PDZD2: variants seen among roughly 807,000 people sequenced by gnomAD.
PDZD2 encodes PDZ domain containing 2.
In PDZD2, 90 loss-of-function variants were observed where a neutral mutation model predicts 220.7. That is an observed-to-expected ratio of 0.41 (90% CI 0.34 to 0.49). The LOEUF (loss-of-function observed/expected upper bound fraction) is 0.49, where lower values mean the gene tolerates loss of function less well. Ranked by LOEUF, PDZD2 falls within the 20% of genes least tolerant of loss-of-function variation. The probability of loss-of-function intolerance (pLI) is 0.28; values close to 1 mark genes in which losing one functional copy is unlikely to be tolerated. For synonymous variants in PDZD2, 1,375 were observed against 1,450.5 expected, an observed-to-expected ratio of 0.95 and a Z score of 1.18; for missense variants, 3,174 against 3,608.5, an observed-to-expected ratio of 0.88 and a Z score of 3.08.
At chr5:31,655,254 C>T (rs916013135) in intron 1 of PDZD2, among the ~76,000 whole-genome samples, 81 of 152,296 alleles carry the variant, frequency 5.3e-4, no homozygotes, top group African/African-American at 1.9e-3. Context: ...CTCACTGCAA[C>T]CTCTGCCTCC....
In PDZD2 at chr5:32,000,046, C is replaced by A. The variant is rs985157162; in HGVS notation, c.1122-93C>A. ...CCTCTTTAGCCCAATCTTAACCGTC[C>A]CTCCTCACAACCCTCCCTAGCTCCA... On this transcript the variant is annotated intron_variant, in intron 4 of 24. Transcript: ENST00000438447. The surrounding 1 kb of genome is among the most constrained non-coding windows in gnomAD (Gnocchi z 4.5). The A allele has an allele frequency of 4.5e-6, 5 of 1,100,456 alleles. No individual in the cohort carries two copies. The African/African-American group carries it at 7.8e-5, about 17-fold the overall frequency. The allele number at this position is 1,100,456 out of a possible 1,614,324, so 68.2% of individuals were successfully genotyped here. A position where few individuals can be genotyped will look rare whatever the true frequency, so the allele number is the denominator to read the frequency against.
At chr5:31,859,468 A>G (rs967315908) in intron 2 of PDZD2, among the ~76,000 whole-genome samples, 2 of 152,130 alleles carry the variant, frequency 1.3e-5, no homozygotes, top group Non-Finnish European at 2.9e-5. Context: ...GTCTGTCATC[A>G]TATTTGTAAT....
intron 1 of PDZD2, among the ~76,000 whole-genome samples, chr5:31,654,517 T>A (rs1269453326): frequency 2.6e-5 from 4 of 152,134 alleles, no homozygotes; most frequent in Non-Finnish European, 5.9e-5. Context: ...ACCGATCTTA[T>A]CTCCATCCTG....
At chr5:32,042,833 C>A (rs147680327) in intron 7 of PDZD2, among the ~76,000 whole-genome samples, 3 of 152,142 alleles carry the variant, frequency 2.0e-5, no homozygotes, top group Admixed American at 2.0e-4. Context: ...ACAGAGGAGG[C>A]CTTCCTGTTG....
In PDZD2 at chr5:32,025,300, C is replaced by T. The variant is rs536071360; in HGVS notation, c.1408-11931C>T. ...CAGCACTTTGGGAGGCTGAGGAGGGCGGATCACCTGAGGTCAGGAGTTCAA... is the reference window on the plus strand; with the variant it reads ...CAGCACTTTGGGAGGCTGAGGAGGGTGGATCACCTGAGGTCAGGAGTTCAA... On this transcript the variant is annotated intron_variant, in intron 6 of 24. Transcript: ENST00000438447. Among the ~76,000 whole-genome samples the T allele has an allele frequency of 1.3e-3, 205 of 151,978 alleles. 1 individual carries two copies. Among genetic ancestry groups the T allele is most frequent in the African/African-American group, 4.8e-3 (201 of 41,486 alleles).
At chr5:32,034,733 G>A (rs1707393305) in intron 6 of PDZD2, among the ~76,000 whole-genome samples, 1 of 152,100 alleles carries the variant, frequency 6.6e-6, no homozygotes, top group African/African-American at 2.4e-5. Context: ...CTGGAGACAG[G>A]TTCTTTGCAT....
At chr5:32,101,773 TTGGTA>T (rs1189205958) in intron 24 of PDZD2, among the ~76,000 whole-genome samples, 1 of 152,268 alleles carries the variant, frequency 6.6e-6, no homozygotes, top group Non-Finnish European at 1.5e-5. Context: ...ATTGAAATGC[TTGGTA>T]AATATCCATC....
At chr5:31,896,196 C>A (rs550109389) in intron 2 of PDZD2, among the ~76,000 whole-genome samples, 1 of 152,178 alleles carries the variant, frequency 6.6e-6, no homozygotes, top group East Asian at 1.9e-4. Context: ...CTACTCTAGG[C>A]ATGTAACTGT....
At chr5:31,743,334 C>G (rs1016480086) in intron 1 of PDZD2, among the ~76,000 whole-genome samples, 3 of 152,054 alleles carry the variant, frequency 2.0e-5, no homozygotes, top group Non-Finnish European at 4.4e-5. Flanking sequence ...GCCACCATGC[C>G]CGGCCAATCT....
intron 1 of PDZD2, among the ~76,000 whole-genome samples, chr5:31,689,353 ATTTTTTTTTT>A (rs1160111594): frequency 2.8e-5 from 1 of 35,142 alleles, no homozygotes. Context: ...ATATATATAT[ATTTTTTTTTT>A]TTTTTTTTTT....
rs775958096 is a variant in PDZD2, at chr5:32,088,714, A to G, written c.5266A>G (p.Ser1756Gly). 1.3e-5 allele frequency: 21 copies of G among 1,614,160 alleles called. No individual in the cohort carries two copies. In the Middle Eastern group the frequency reaches 5.0e-4, roughly 38 times the overall value. ...CGAAACAAGCATTAATGCAGCTGCC[A>G]GTCTGTCCTCCTTCAGTGTGGATGT... is the stretch of plus-strand genomic sequence containing the variant. Reference protein sequence around the residue: ...QYETSINAAASLSSFSVDVPK... With the variant: ...QYETSINAAAGLSSFSVDVPK... The change falls in exon 20 of 25, where the codon AGT becomes GGT. Residue 1756 changes from serine (S) to glycine (G), a missense_variant. Physicochemically the swap from Ser to Gly is moderately conservative, Grantham distance 56. Coordinates refer to ENST00000438447, the MANE Select transcript of PDZD2 (RefSeq NM_178140.4). This position sits in a 1 kb window ranked among gnomAD's most constrained non-coding sequence, Gnocchi z 4.6.
At chr5:32,041,342 G>A (rs1348755811) in intron 7 of PDZD2, among the ~76,000 whole-genome samples, 6 of 151,866 alleles carry the variant, frequency 4.0e-5, no homozygotes, top group East Asian at 3.9e-4. Context: ...CAACAGCTCC[G>A]AAGAGACAGC....
intron 2 of PDZD2, among the ~76,000 whole-genome samples, chr5:31,981,704 G>T (rs976314648): frequency 6.6e-6 from 1 of 152,194 alleles, no homozygotes; most frequent in Non-Finnish European, 1.5e-5. Context: ...ACTTTTGCTT[G>T]GGAACGAGTG....
intron 2 of PDZD2, among the ~76,000 whole-genome samples, chr5:31,967,611 C>T (rs1470020133): frequency 6.6e-6 from 1 of 152,134 alleles, no homozygotes; most frequent in African/African-American, 2.4e-5. Context: ...TACGGTCTGC[C>T]CTCAGTTATC....
chr5:32,034,073 A>G (rs1034015809), intron 6 of PDZD2, among the ~76,000 whole-genome samples: 6 of 152,128 alleles, frequency 3.9e-5, no homozygotes, highest in Non-Finnish European at 8.8e-5. Flanking sequence ...ATCATCTCCA[A>G]AATGTCTCTG....
chr5:32,024,070 AG>A (rs1163062132), intron 6 of PDZD2, among the ~76,000 whole-genome samples: 1 of 152,224 alleles, frequency 6.6e-6, no homozygotes, highest in African/African-American at 2.4e-5. Context: ...GTGATCAAGC[AG>A]TTGTATTCTG....
rs551895739 is a variant in PDZD2 at position 31,796,343 on chromosome 5, G to A, written c.-360-2546G>A. Among the ~76,000 whole-genome samples, 3 of 152,288 alleles carry A rather than the reference G, an allele frequency of 2.0e-5. No individual in the cohort carries two copies. In the South Asian group the frequency reaches 6.2e-4, roughly 32 times the overall value. ...GTCCAGGATGGCGGAAAGTGAGGAC[G>A]GGAAAGCTGTGGGGAACCCAGGGGC... On this transcript the variant is annotated intron_variant, in intron 1 of 24. Transcript: ENST00000438447.
intron 1 of PDZD2, among the ~76,000 whole-genome samples, chr5:31,674,899 T>C (rs951827341): frequency 1.3e-5 from 2 of 149,878 alleles, no homozygotes; most frequent in Admixed American, 6.6e-5. Flanking sequence ...AGAGGCACAT[T>C]GTCCTCTGAC....
intron 2 of PDZD2, among the ~76,000 whole-genome samples, chr5:31,884,651 C>T (rs1465340043): frequency 6.6e-6 from 1 of 151,936 alleles, no homozygotes; most frequent in Non-Finnish European, 1.5e-5. Flanking sequence ...TGCAATGGCG[C>T]GATCTCGGCT....
Sources: gnomAD v4.1 joint callset for allele counts (sites outside exome capture counted in the v4.1 genomes callset) on GRCh38, gnomAD v4.1.1 for gene constraint, Gnocchi (gnomAD v3.1) non-coding constraint, MANE v1.5 for transcripts, NCBI Gene and HGNC (gene_info 2026-07-23, HGNC 2026-07-21) for gene names.